The following SEMA3E variants were observed in gnomAD, a reference collection of about 807,000 sequenced individuals.
The protein encoded by SEMA3E is semaphorin-3E.
Under a neutral mutation model 93.6 loss-of-function variants are expected in SEMA3E, and 49 were observed. That is an observed-to-expected ratio of 0.52 (90% confidence interval 0.42 to 0.66). The LOEUF is 0.66. SEMA3E is among the 30% of genes least tolerant of loss of function. The pLI is 0.00. For missense variants in SEMA3E, 906 were observed against 964.8 expected, an observed-to-expected ratio of 0.94 and a Z score of 0.81; for synonymous variants, 363 against 330.7, an observed-to-expected ratio of 1.10 and a Z score of -1.06.
At position 83,439,343 on chromosome 7, in the gene SEMA3E, C is replaced by T. The variant is rs148629371; in HGVS notation, c.457-20860G>A. ...GCGAGGGAAAGGACGCTTTCTCTAACAGCCGATTTGTTATTCAGCCCAGGC... is the reference window on the plus strand; with the variant it reads ...GCGAGGGAAAGGACGCTTTCTCTAATAGCCGATTTGTTATTCAGCCCAGGC... On this transcript the variant is annotated intron_variant, in intron 4 of 16. Transcript: ENST00000643230. Among the ~76,000 whole-genome samples the T allele has an allele frequency of 3.0e-3, 453 of 152,318 alleles. 1 individual carries two copies. Among genetic ancestry groups the T allele is most frequent in the African/African-American group, 0.01 (419 of 41,578 alleles).
In SEMA3E at chr7:83,490,604, T is replaced by C. The variant is rs147844995; in HGVS notation, c.116-330A>G. On this transcript the variant is annotated intron_variant, in intron 1 of 16. Transcript: ENST00000643230. ...AATGTATAATGGTTCCAAATCTACA[T>C]TAAACCCACCAGAGTGTGTTTATTA... 1.2e-4 allele frequency among the ~76,000 whole-genome samples: 18 copies of C among 152,152 alleles called. No homozygotes were observed. In the East Asian group the frequency reaches 3.5e-3, roughly 29 times the overall value.
rs931038807 is a variant in SEMA3E, at chr7:83,639,009, G to A, written c.115+9419C>T. On this transcript the variant is annotated intron_variant, in intron 1 of 16. Coordinates refer to ENST00000643230, the MANE Select transcript of SEMA3E (RefSeq NM_012431.3). ...GCCTGTAGTCCCAGCTACTTGGGAGGCTGAGGCAGGAGAATGGCGTGAACC... is the reference window on the plus strand; with the variant it reads ...GCCTGTAGTCCCAGCTACTTGGGAGACTGAGGCAGGAGAATGGCGTGAACC... Among the ~76,000 whole-genome samples, 10 of 149,318 alleles carry A rather than the reference G, an allele frequency of 6.7e-5. No individual in the cohort carries two copies. The East Asian group carries it at 2.0e-3, about 29-fold the overall frequency.
intron 5 of SEMA3E, among the ~76,000 whole-genome samples, chr7:83,411,601 A>C (rs1019130948): frequency 6.6e-6 from 1 of 152,052 alleles, no homozygotes; most frequent in African/African-American, 2.4e-5. Flanking sequence ...TAGGTAAAAT[A>C]ATACCTAATA....
chr7:83,639,393 T>C (rs1793953087), intron 1 of SEMA3E, among the ~76,000 whole-genome samples: 1 of 151,996 alleles, frequency 6.6e-6, no homozygotes, highest in South Asian at 2.1e-4. Context: ...TTCTAAAAAA[T>C]AAAGTTAGCC....
intron 4 of SEMA3E, among the ~76,000 whole-genome samples, chr7:83,448,653 A>C (rs1222426480): frequency 6.6e-6 from 1 of 152,202 alleles, no homozygotes; most frequent in African/African-American, 2.4e-5. Flanking sequence ...CTTTTTCAAA[A>C]TTTCTTCAGA....
At chr7:83,412,495 C>T (rs1250035379) in intron 5 of SEMA3E, among the ~76,000 whole-genome samples, 1 of 152,074 alleles carries the variant, frequency 6.6e-6, no homozygotes, top group Non-Finnish European at 1.5e-5. Context: ...CCTGTAATCC[C>T]AGCACTTTGT....
At chr7:83,539,684 C>A (rs1791477734) in intron 1 of SEMA3E, among the ~76,000 whole-genome samples, 1 of 152,074 alleles carries the variant, frequency 6.6e-6, no homozygotes, top group East Asian at 1.9e-4. Context: ...TGTTTCCTAT[C>A]CCATTCTCTT....
chr7:83,623,298 T>C (rs1382954109), intron 1 of SEMA3E, among the ~76,000 whole-genome samples: 2 of 152,156 alleles, frequency 1.3e-5, no homozygotes, highest in Non-Finnish European at 2.9e-5. Flanking sequence ...TGAATTATGG[T>C]ACATTCAAAT....
At chr7:83,639,433 T>A (rs553158444) in intron 1 of SEMA3E, among the ~76,000 whole-genome samples, 2 of 151,970 alleles carry the variant, frequency 1.3e-5, no homozygotes, top group Non-Finnish European at 2.9e-5. Context: ...GACCATAATA[T>A]GGAAGCCAAC....
chr7:83,604,795 C>T (rs925191951), intron 1 of SEMA3E, among the ~76,000 whole-genome samples: 3 of 151,988 alleles, frequency 2.0e-5, no homozygotes, highest in Non-Finnish European at 2.9e-5. Flanking sequence ...GCCCCCCACC[C>T]GCTGATAGGC....
intron 4 of SEMA3E, among the ~76,000 whole-genome samples, chr7:83,424,003 T>C (rs1788721941): frequency 6.6e-6 from 1 of 152,188 alleles, no homozygotes; most frequent in Non-Finnish European, 1.5e-5. Context: ...GCCCATTAAT[T>C]TTTTTAATAA....
At chr7:83,452,131 ATGTG>A (rs67605953) in intron 4 of SEMA3E, among the ~76,000 whole-genome samples, 9 of 151,368 alleles carry the variant, frequency 5.9e-5, no homozygotes, top group East Asian at 1.9e-4. Flanking sequence ...ATGTGTATGT[ATGTG>A]TGTGTGTGTG....
rs777754774 is a variant in SEMA3E at position 83,490,161 on chromosome 7, G to A, written c.229C>T (p.Leu77Phe). The A allele has an allele frequency of 6.8e-6, 11 of 1,612,904 alleles. No homozygotes were observed. The East Asian group carries it at 1.1e-4, about 16-fold the overall frequency. Residue 77 changes from leucine to phenylalanine, a missense_variant, in exon 2 of 17, where the codon CTT becomes TTT. Leu to Phe is a conservative substitution (Grantham distance 22). Transcript: ENST00000643230. ...CTCTCCAAGCTGAGGGAATATACAA[G>A]GTCCCTGCCTCCCACGAAGAGCCTC... ...QERLFVGGRDLVYSLSLERIS... is the reference protein window; with the variant it reads ...QERLFVGGRDFVYSLSLERIS...
At chr7:83,391,250 C>G (rs1446968839) in intron 14 of SEMA3E, among the ~76,000 whole-genome samples, 2 of 152,036 alleles carry the variant, frequency 1.3e-5, no homozygotes, top group African/African-American at 4.8e-5. Flanking sequence ...GTATTATATG[C>G]ATTGCTCTTA....
chr7:83,467,466 A>T (rs1584268432), intron 3 of SEMA3E, among the ~76,000 whole-genome samples: 1 of 152,202 alleles, frequency 6.6e-6, no homozygotes, highest in Non-Finnish European at 1.5e-5. Flanking sequence ...CAAAAATAAC[A>T]TTTTGTTGCA....
chr7:83,595,851 C>A (rs1252568465), intron 1 of SEMA3E, among the ~76,000 whole-genome samples: 2 of 151,982 alleles, frequency 1.3e-5, no homozygotes, highest in Non-Finnish European at 1.5e-5. Flanking sequence ...GGTTTCTCCA[C>A]TGAAAAGGTT....
chr7:83,537,734 A>G (rs1472991316), intron 1 of SEMA3E, among the ~76,000 whole-genome samples: 1 of 152,202 alleles, frequency 6.6e-6, no homozygotes, highest in Non-Finnish European at 1.5e-5. Flanking sequence ...AAAGTGCACA[A>G]TTAAATAGTT....
rs1446011315 is a variant in SEMA3E, at chr7:83,619,896, T to C, written c.115+28532A>G. Among the ~76,000 whole-genome samples, 2 of 119,566 alleles carry C rather than the reference T, an allele frequency of 1.7e-5. 1 individual carries two copies. The highest frequency in any genetic ancestry group is 6.0e-4 in the South Asian group (2 of 3,350). The allele number at this position is 119,566 out of a possible 152,430, so 78.4% of individuals were successfully genotyped here. A position where few individuals can be genotyped will look rare whatever the true frequency, so the allele number is the denominator to read the frequency against. Reference sequence around the variant, plus strand: ...GATAGATAGATAGATGATAGATAGATAGATAGACAGATAGATAGATAGATA... The same window carrying C: ...GATAGATAGATAGATGATAGATAGACAGATAGACAGATAGATAGATAGATA... On this transcript the variant is annotated intron_variant, in intron 1 of 16. Transcript: ENST00000643230.
At chr7:83,391,368 GC>G (rs1224415829) in intron 14 of SEMA3E, among the ~76,000 whole-genome samples, 1 of 152,090 alleles carries the variant, frequency 6.6e-6, no homozygotes, top group East Asian at 1.9e-4. Context: ...AAGAGGTTAT[GC>G]TTGTTTCTTC....
Sources: allele counts gnomAD v4.1 joint callset (sites outside exome capture counted in the v4.1 genomes callset), GRCh38; gene constraint gnomAD v4.1.1; transcripts MANE v1.5; gene names NCBI Gene and HGNC (gene_info 2026-07-23, HGNC 2026-07-21).